The following PDPK1 variants were observed in gnomAD, a reference collection of about 807,000 sequenced individuals.
PDPK1 encodes the protein 3-phosphoinositide dependent protein kinase 1.
PDPK1 carries 7 observed loss-of-function variants against 39.8 expected under a neutral mutation model. That is an observed-to-expected ratio of 0.18 (90% confidence interval 0.10 to 0.33). The LOEUF is 0.33. Ranked by LOEUF, PDPK1 falls within the 10% of genes least tolerant of loss-of-function variation. PDPK1 has a pLI of 1.00. For missense variants in PDPK1, 182 were observed against 384.7 expected, an observed-to-expected ratio of 0.47 and a Z score of 4.41; for synonymous variants, 118 against 159.1, an observed-to-expected ratio of 0.74 and a Z score of 1.95.
At chr16:2,577,283 G>A (rs979840666) in intron 6 of PDPK1, 142 bp from the exon 7 acceptor site, 38 of 714,266 alleles carry the variant, frequency 5.3e-5, no homozygotes, top group Admixed American at 2.5e-4. Flanking sequence ...TCTTTGAGCC[G>A]GTGAGCCATG....
rs551747911 is a variant in PDPK1 at position 2,596,353 on chromosome 16, G to A, written c.1401+503G>A. Among the ~76,000 whole-genome samples, 11 of 152,264 alleles carry A rather than the reference G, an allele frequency of 7.2e-5. No homozygotes were observed. The South Asian group carries it at 2.1e-3, about 29-fold the overall frequency. On this transcript the variant is annotated intron_variant, in intron 12 of 13. Transcript: ENST00000342085. ...ACCACAGGCGCCCGCCACCATGCCC[G>A]GCTAATCTTTTTTTGTATTTTTAGT...
At chr16:2,587,186 T>C (rs1200669422) in intron 11 of PDPK1, among the ~76,000 whole-genome samples, 1 of 152,210 alleles carries the variant, frequency 6.6e-6, no homozygotes, top group Admixed American at 6.5e-5. Flanking sequence ...ACCTGGCCAC[T>C]TGGGAGTTTA....
intron 10 of PDPK1, among the ~76,000 whole-genome samples, chr16:2,585,538 AGGTGCTTCGTTGGCT>A (rs2066851271): frequency 6.6e-6 from 1 of 152,224 alleles, no homozygotes; most frequent in African/African-American, 2.4e-5. Flanking sequence ...GCAGGAGAGC[AGGTGCTTCGTTGGCT>A]CCTGCTCTCC....
intron 10 of PDPK1, among the ~76,000 whole-genome samples, chr16:2,584,337 CGG>C: frequency 1.4e-5 from 2 of 144,008 alleles, no homozygotes; most frequent in Non-Finnish European, 3.1e-5. Flanking sequence ...GCACCGTGTA[CGG>C]AGTTCCACTT....
At chr16:2,580,415 T>A (rs976882072) in intron 7 of PDPK1, among the ~76,000 whole-genome samples, 1 of 145,522 alleles carries the variant, frequency 6.9e-6, no homozygotes, top group Non-Finnish European at 1.5e-5. Context: ...CTGGGCTGAG[T>A]GAGAGGCCGC....
intron 1 of PDPK1, chr16:2,538,609 C>T (rs1471683879): frequency 7.8e-7 from 1 of 1,288,948 alleles, no homozygotes; most frequent in Non-Finnish European, 1.0e-6. Context: ...TCCTGGGCCC[C>T]CTTTTCCAGA....
At position 2,597,722 on chromosome 16, in the gene PDPK1, T is replaced by G; in HGVS notation, c.1626T>G (p.Val542=). The G allele has an allele frequency of 6.2e-7, 1 of 1,613,550 alleles. No homozygotes were observed. Among genetic ancestry groups the G allele is most frequent in the Non-Finnish European group, 8.5e-7 (1 of 1,179,972 alleles). The part of the protein sequence containing the change: ...AHKWCRKIQE[V]WRQRYQSHPD... ...AGTGGTGCAGGAAGATCCAGGAGGT[T>G]TGGAGGCAGCGATACCAGAGCCACC... The change falls in exon 14 of 14, where the codon GTT becomes GTG. Residue 542 remains valine (V), a synonymous_variant. Transcript: ENST00000342085. This position sits in a 1 kb window ranked among gnomAD's most constrained non-coding sequence, Gnocchi z 6.3.
At position 2,597,319 on chromosome 16, in the gene PDPK1, G is replaced by A; in HGVS notation, c.1554+44G>A. 1 of 1,509,700 alleles carries A rather than the reference G, an allele frequency of 6.6e-7. No homozygotes were observed. Among genetic ancestry groups the A allele is most frequent in the Non-Finnish European group, 9.0e-7 (1 of 1,109,540 alleles). The allele number at this position is 1,509,700 out of a possible 1,614,324, so 93.5% of individuals were successfully genotyped here. Reference sequence around the variant, plus strand: ...ATTTCTGTGTGCAGGGTAATGGGAGGGCTTTGCACCACGTGGGAAGCAGCC... The same window carrying A: ...ATTTCTGTGTGCAGGGTAATGGGAGAGCTTTGCACCACGTGGGAAGCAGCC... On this transcript the variant is annotated intron_variant, in intron 13 of 13. Transcript: ENST00000342085. The surrounding 1 kb of genome is among the most constrained non-coding windows in gnomAD (Gnocchi z 6.3).
At chr16:2,546,616 C>G (rs1466174339) in intron 1 of PDPK1, among the ~76,000 whole-genome samples, 1 of 152,214 alleles carries the variant, frequency 6.6e-6, no homozygotes, top group Non-Finnish European at 1.5e-5. Flanking sequence ...AGGTGTGAAC[C>G]ACCGTGCCCG....
At chr16:2,541,090 A>C (rs183136705) in intron 1 of PDPK1, among the ~76,000 whole-genome samples, 2 of 152,256 alleles carry the variant, frequency 1.3e-5, no homozygotes, top group Non-Finnish European at 2.9e-5. Flanking sequence ...TGGCAAGGTG[A>C]GCTCCCAGTG....
rs1241880566 is a variant in PDPK1 at position 2,538,064 on chromosome 16, C to T, written c.-49C>T. 16 of 973,110 alleles carry T rather than the reference C, an allele frequency of 1.6e-5. No individual in the cohort carries two copies. In the African/African-American group the frequency reaches 2.5e-4, roughly 15 times the overall value. 60.3% of individuals were successfully genotyped at this position (973,110 alleles called of 1,614,324 possible). On this transcript the variant is annotated 5_prime_UTR_variant, in exon 1 of 14. Coordinates refer to ENST00000342085, the MANE Select transcript of PDPK1 (RefSeq NM_002613.5). ...CGGGGAGGAGGACGCTGAGGAGGCG[C>T]CGAGCCGCGCAGCGCTGCGGGGGAG...
intron 1 of PDPK1, among the ~76,000 whole-genome samples, chr16:2,551,452 C>T (rs895248354): frequency 2.0e-5 from 3 of 150,886 alleles, no homozygotes; most frequent in South Asian, 4.2e-4. Context: ...AACTTTGGTC[C>T]GGGGGCCTGG....
intron 11 of PDPK1, among the ~76,000 whole-genome samples, chr16:2,590,475 G>C (rs2066966505): frequency 6.6e-6 from 1 of 152,074 alleles, no homozygotes; most frequent in Non-Finnish European, 1.5e-5. Flanking sequence ...GGATGAAGTG[G>C]GAAGTATACA....
At chr16:2,545,141 A>C (rs1236048706) in intron 1 of PDPK1, among the ~76,000 whole-genome samples, 1 of 149,350 alleles carries the variant, frequency 6.7e-6, no homozygotes, top group African/African-American at 2.5e-5. Flanking sequence ...GGTTCAAGTG[A>C]TTCTCCTGCC....
intron 1 of PDPK1, chr16:2,539,516 A>G (rs2066205208): frequency 6.6e-6 from 1 of 152,112 alleles, no homozygotes; most frequent in Non-Finnish European, 1.5e-5. Flanking sequence ...TGAATTTTGT[A>G]ACTACGTCAG....
intron 11 of PDPK1, among the ~76,000 whole-genome samples, chr16:2,592,027 G>A (rs1027599737): frequency 1.3e-5 from 2 of 152,222 alleles, no homozygotes; most frequent in Non-Finnish European, 2.9e-5. Flanking sequence ...TACTGGCAGT[G>A]AAGCTGAGCC....
At chr16:2,586,946 C>T in intron 11 of PDPK1, 53 bp downstream of exon 11, 7 of 1,496,380 alleles carry the variant, frequency 4.7e-6, no homozygotes, top group South Asian at 1.1e-5. Flanking sequence ...AGCGTGAACA[C>T]GTGGGGGCTT....
intron 12 of PDPK1, among the ~76,000 whole-genome samples, chr16:2,596,591 G>T (rs993594756): frequency 1.3e-5 from 2 of 152,194 alleles, no homozygotes; most frequent in African/African-American, 4.8e-5. Flanking sequence ...GTATTTATTT[G>T]GTCATCTTGT....
rs750511319 is a variant in PDPK1 at position 2,601,482 on chromosome 16, C to T, written c.*3715C>T. ...AAGCGCTTGGCAGAATCTTGTACTT[C>T]GTGTCCACAATGGTACTGAATTTGC... is the stretch of plus-strand genomic sequence containing the variant. On this transcript the variant is annotated 3_prime_UTR_variant, in exon 14 of 14. Coordinates refer to ENST00000342085, the MANE Select transcript of PDPK1 (RefSeq NM_002613.5). 13 of 234,392 alleles carry T rather than the reference C, an allele frequency of 5.5e-5. No homozygotes were observed. Among genetic ancestry groups the T allele is most frequent in the African/African-American group, 8.8e-5 (4 of 45,316 alleles). The allele number at this position is 234,392 out of a possible 1,614,324, so 14.5% of individuals were successfully genotyped here.
Sources: allele counts gnomAD v4.1 joint callset (sites outside exome capture counted in the v4.1 genomes callset), GRCh38; gene constraint gnomAD v4.1.1; non-coding constraint Gnocchi (gnomAD v3.1); transcripts MANE v1.5; gene names NCBI Gene and HGNC (gene_info 2026-07-23, HGNC 2026-07-21).